GALNT17: variants seen among roughly 807,000 people sequenced by gnomAD.
GALNT17 encodes the protein UDP-GalNAc:polypeptide N-acetylgalactosaminyltransferase-like 3.
In GALNT17, 29 loss-of-function variants were observed where a neutral mutation model predicts 63.7. That is an observed-to-expected ratio of 0.46 (90% confidence interval 0.34 to 0.62). The LOEUF is 0.62. GALNT17 is among the 20% of genes least tolerant of loss of function. GALNT17 has a pLI of 0.01. For synonymous variants in GALNT17, 305 were observed against 318.3 expected, an observed-to-expected ratio of 0.96 and a Z score of 0.45; for missense variants, 603 against 799.6, an observed-to-expected ratio of 0.75 and a Z score of 2.97.
At chr7:71,201,458 A>G (rs1789170080) in intron 1 of GALNT17, among the ~76,000 whole-genome samples, 1 of 151,636 alleles carries the variant, frequency 6.6e-6, no homozygotes, top group Admixed American at 6.6e-5. Flanking sequence ...ACACGGGAGG[A>G]CAATGTTGTT....
chr7:71,315,123 T>A (rs529248667), intron 1 of GALNT17, among the ~76,000 whole-genome samples: 1 of 152,340 alleles, frequency 6.6e-6, no homozygotes, highest in South Asian at 2.1e-4. Flanking sequence ...GAAGCATACA[T>A]CTATTTGTTT....
chr7:71,501,021 G>A (rs1011049837), intron 5 of GALNT17, among the ~76,000 whole-genome samples: 2 of 152,122 alleles, frequency 1.3e-5, no homozygotes, highest in Non-Finnish European at 2.9e-5. Flanking sequence ...CCAGGCTGGA[G>A]TGCAGTGGTG....
intron 2 of GALNT17, among the ~76,000 whole-genome samples, chr7:71,354,622 C>G (rs1792249148): frequency 6.6e-6 from 1 of 152,024 alleles, no homozygotes; most frequent in African/African-American, 2.4e-5. Flanking sequence ...ATGTTGGATT[C>G]TGTTCACTAA....
At chr7:71,176,480 A>G (rs1585859297) in intron 1 of GALNT17, among the ~76,000 whole-genome samples, 1 of 152,160 alleles carries the variant, frequency 6.6e-6, no homozygotes, top group Non-Finnish European at 1.5e-5. Flanking sequence ...GCGGGGAGGC[A>G]TTCACAGAGA....
chr7:71,553,834 A>C (rs10242825), intron 5 of GALNT17, among the ~76,000 whole-genome samples: 49,254 of 152,122 alleles, frequency 0.32, 8,789 homozygotes, highest in Middle Eastern at 0.41. Flanking sequence ...AGATTTTGAC[A>C]GGCTGTTATT....
chr7:71,337,518 A>T (rs189826277), intron 2 of GALNT17, among the ~76,000 whole-genome samples: 4 of 152,294 alleles, frequency 2.6e-5, no homozygotes, highest in Non-Finnish European at 5.9e-5. Context: ...AAAAATGCCA[A>T]ACTGATAGGT....
intron 5 of GALNT17, among the ~76,000 whole-genome samples, chr7:71,439,087 C>T (rs372070470): frequency 6.6e-6 from 1 of 152,044 alleles, no homozygotes; most frequent in South Asian, 2.1e-4. Flanking sequence ...ATGAGTCTTG[C>T]TATGTTGCCC....
In GALNT17 at chr7:71,419,056, G is replaced by A. The variant is rs115764978; in HGVS notation, c.765-1852G>A. Among the ~76,000 whole-genome samples the A allele has an allele frequency of 1.9e-3, 283 of 152,290 alleles. 1 individual carries two copies. The highest frequency in any genetic ancestry group is 6.6e-3 in the African/African-American group (275 of 41,562). On this transcript the variant is annotated intron_variant, in intron 4 of 10. Transcript: ENST00000333538. Reference sequence around the variant, plus strand: ...AGATCATGCCATTGCACTATAGCCTGAGAGACGAGTGAAACTCCGTCTCAA... The same window carrying A: ...AGATCATGCCATTGCACTATAGCCTAAGAGACGAGTGAAACTCCGTCTCAA...
intron 5 of GALNT17, 85 bp downstream of exon 5, chr7:71,421,190 G>C (rs1270904250): frequency 6.8e-6 from 10 of 1,471,370 alleles, no homozygotes; most frequent in Middle Eastern, 4.5e-4. Context: ...AGGAAAGCCT[G>C]CCTTGGGCTC....
At chr7:71,667,280 T>C (rs1790998782) in intron 7 of GALNT17, among the ~76,000 whole-genome samples, 1 of 152,234 alleles carries the variant, frequency 6.6e-6, no homozygotes. Context: ...TGTTATAAGT[T>C]TTGAAATACA....
At chr7:71,153,296 C>T (rs574442759) in intron 1 of GALNT17, among the ~76,000 whole-genome samples, 1 of 152,290 alleles carries the variant, frequency 6.6e-6, no homozygotes, top group South Asian at 2.1e-4. Context: ...TTGTAGCATA[C>T]CTGGAAGAAC....
chr7:71,563,996 A>T (rs1789296909), intron 5 of GALNT17, among the ~76,000 whole-genome samples: 1 of 152,126 alleles, frequency 6.6e-6, no homozygotes, highest in Non-Finnish European at 1.5e-5. Context: ...AAGTATGAGG[A>T]TTACAGGCAT....
intron 5 of GALNT17, among the ~76,000 whole-genome samples, chr7:71,547,861 A>AT (rs1186585521): frequency 2.0e-5 from 3 of 152,048 alleles, no homozygotes; most frequent in East Asian, 1.9e-4. Context: ...GTACACAGTG[A>AT]TTTTTTTAAG....
At chr7:71,140,002 A>G (rs1237312697) in intron 1 of GALNT17, among the ~76,000 whole-genome samples, 6 of 138,662 alleles carry the variant, frequency 4.3e-5, no homozygotes, top group Non-Finnish European at 7.4e-5. Context: ...TTAAAAATAA[A>G]CAAACAAACA....
chr7:71,520,669 G>A (rs1490439241), intron 5 of GALNT17, among the ~76,000 whole-genome samples: 1 of 152,146 alleles, frequency 6.6e-6, no homozygotes, highest in Non-Finnish European at 1.5e-5. Context: ...GTAGATGGAG[G>A]GGCCATCCTG....
At chr7:71,322,444 A>G (rs1165086319) in intron 1 of GALNT17, among the ~76,000 whole-genome samples, 2 of 152,214 alleles carry the variant, frequency 1.3e-5, no homozygotes, top group Non-Finnish European at 2.9e-5. Flanking sequence ...AATGATTCAT[A>G]TCTCTTGGAA....
At chr7:71,687,852 T>A (rs151026250) in intron 9 of GALNT17, among the ~76,000 whole-genome samples, 2 of 152,166 alleles carry the variant, frequency 1.3e-5, no homozygotes, top group African/African-American at 4.8e-5. Flanking sequence ...CACACCACCA[T>A]GCCTAGCTAA....
intron 1 of GALNT17, among the ~76,000 whole-genome samples, chr7:71,264,920 T>C (rs906954256): frequency 7.3e-5 from 11 of 150,854 alleles, no homozygotes; most frequent in African/African-American, 2.4e-4. Flanking sequence ...GATAGCAGAG[T>C]AGGGTGACTG....
intron 1 of GALNT17, among the ~76,000 whole-genome samples, chr7:71,167,950 G>A (rs1263539235): frequency 3.9e-5 from 6 of 152,298 alleles, no homozygotes; most frequent in South Asian, 2.1e-4. Context: ...GATTTCAGGC[G>A]TGAGTCACCT....
Sources: gnomAD v4.1 joint callset for allele counts (sites outside exome capture counted in the v4.1 genomes callset) on GRCh38, gnomAD v4.1.1 for gene constraint, MANE v1.5 for transcripts, NCBI Gene and HGNC (gene_info 2026-07-23, HGNC 2026-07-21) for gene names.